The following PPM1D variants were observed in gnomAD, a reference collection of about 807,000 sequenced individuals.
The protein encoded by PPM1D is protein phosphatase 1D.
Under a neutral mutation model 58.3 loss-of-function variants are expected in PPM1D, and 52 were observed. The ratio of observed to expected loss-of-function variants is 0.89; its 90% CI spans 0.71 to 1.12. The LOEUF (loss-of-function observed/expected upper bound fraction) is 1.12, where lower values mean the gene tolerates loss of function less well. Among genes scored for constraint, PPM1D ranks in the 50% most tolerant of loss-of-function variants. The pLI is 0.00. For missense variants in PPM1D, 564 were observed against 777.2 expected (o/e 0.73, Z 3.26); for synonymous variants, 278 against 285.1 (o/e 0.98, Z 0.25).
chr17:60,652,592 GTTCTTCGTA>G (rs2031366985), intron 4 of PPM1D, among the ~76,000 whole-genome samples: 1 of 90,528 alleles, frequency 1.1e-5, no homozygotes, highest in South Asian at 3.8e-4. Context: ...CCTTCATACT[GTTCTTCGTA>G]GTGGCTGCTC....
intron 4 of PPM1D, among the ~76,000 whole-genome samples, chr17:60,649,376 G>C (rs1314479420): frequency 6.6e-6 from 1 of 152,194 alleles, no homozygotes; most frequent in African/African-American, 2.4e-5. Flanking sequence ...GGGGCAAATT[G>C]ATTGAATTTT....
chr17:60,642,534 C>A (rs2031156352), intron 3 of PPM1D, among the ~76,000 whole-genome samples: 2 of 151,992 alleles, frequency 1.3e-5, no homozygotes, highest in Non-Finnish European at 2.9e-5. Flanking sequence ...TCTCGGCTCA[C>A]TGCAACCTCT....
chr17:60,631,992 C>G (rs888657448), intron 2 of PPM1D, among the ~76,000 whole-genome samples: 1 of 151,974 alleles, frequency 6.6e-6, no homozygotes, highest in African/African-American at 2.4e-5. Context: ...TCCTGGCTAA[C>G]CTGGTGAAAC....
Position 60,600,589 on chromosome 17 carries a change from C to T in PPM1D, c.175C>T (p.Pro59Ser). 1.9e-6 allele frequency: 3 copies of T among 1,556,482 alleles called. No individual in the cohort carries two copies. Among genetic ancestry groups the T allele is most frequent in the Non-Finnish European group, 2.6e-6 (3 of 1,151,410 alleles). Residue 59 changes from proline (P) to serine (S), a missense_variant, in exon 1 of 6, where the codon CCC (proline) becomes TCC (serine). Around this residue, in one of 7 missense-constraint regions of PPM1D, gnomAD observed 132 missense variants for 150.4 expected, o/e 0.88. Transcript: ENST00000305921. Reference protein sequence around the residue: ...LPPRPSPAALPGGEVSGKGPA... With the variant: ...LPPRPSPAALSGGEVSGKGPA... ...TCCGCGGCCGTCGCCGGCCGCCCTT[C>T]CCGGCGGCGAAGTCTCGGGGAAAGG... is the stretch of plus-strand genomic sequence containing the variant.
chr17:60,643,962 G>T (rs1477558177), intron 3 of PPM1D, among the ~76,000 whole-genome samples: 4 of 128,414 alleles, frequency 3.1e-5, no homozygotes, highest in African/African-American at 1.2e-4. Flanking sequence ...CTGGCTCACT[G>T]CTATGTCCGC....
chr17:60,637,881 C>G (rs2031056252), intron 3 of PPM1D, among the ~76,000 whole-genome samples: 1 of 152,166 alleles, frequency 6.6e-6, no homozygotes. Context: ...TTAGCGTACC[C>G]TGGAAGCTAA....
At chr17:60,612,643 G>A (rs1214006364) in intron 1 of PPM1D, among the ~76,000 whole-genome samples, 1 of 152,120 alleles carries the variant, frequency 6.6e-6, no homozygotes, top group Non-Finnish European at 1.5e-5. Context: ...GAAAGGTAAA[G>A]CTGAAGATAT....
rs753888264 is a variant in PPM1D, at chr17:60,641,565, T to G, written c.827-6327T>G. Reference sequence around the variant, plus strand: ...TCTGTTTACTCTGTTGATAGCTTCTTTTGCTGTGCAGAAGCTCTTTAATTA... The same window carrying G: ...TCTGTTTACTCTGTTGATAGCTTCTGTTGCTGTGCAGAAGCTCTTTAATTA... On this transcript the variant is annotated intron_variant, in intron 3 of 5. Transcript: ENST00000305921. 7.8e-4 allele frequency among the ~76,000 whole-genome samples: 119 copies of G among 152,222 alleles called. 1 individual carries two copies. Among genetic ancestry groups the G allele is most frequent in the Non-Finnish European group, 1.6e-4 (11 of 68,034 alleles).
intron 1 of PPM1D, among the ~76,000 whole-genome samples, chr17:60,605,015 T>G (rs1163261092): frequency 2.0e-5 from 3 of 152,102 alleles, no homozygotes; most frequent in Admixed American, 1.3e-4. Context: ...AGAGATGGGG[T>G]TTCGCCATGT....
intron 2 of PPM1D, among the ~76,000 whole-genome samples, chr17:60,629,901 G>T (rs1188059086): frequency 1.3e-5 from 2 of 152,060 alleles, no homozygotes; most frequent in Non-Finnish European, 2.9e-5. Context: ...TTATCCAGGC[G>T]TAGTGGCATG....
intron 4 of PPM1D, among the ~76,000 whole-genome samples, chr17:60,652,554 T>G (rs1225483519): frequency 7.2e-6 from 1 of 138,594 alleles, no homozygotes; most frequent in East Asian, 2.0e-4. Context: ...ACTTCTGTTT[T>G]TTTTTTTTTT....
chr17:60,629,147 T>A (rs1173287861), intron 2 of PPM1D, among the ~76,000 whole-genome samples: 2 of 152,298 alleles, frequency 1.3e-5, no homozygotes, highest in South Asian at 4.1e-4. Flanking sequence ...CAGCATTGCT[T>A]ATTGTAGAAT....
At chr17:60,645,492 G>A (rs200735463) in intron 3 of PPM1D, among the ~76,000 whole-genome samples, 7 of 132,100 alleles carry the variant, frequency 5.3e-5, no homozygotes, top group African/African-American at 1.6e-4. Flanking sequence ...GTGTGTGTGT[G>A]TATGTGTATA....
intron 1 of PPM1D, among the ~76,000 whole-genome samples, chr17:60,605,873 C>T (rs1400067849): frequency 6.6e-6 from 1 of 152,170 alleles, no homozygotes; most frequent in Non-Finnish European, 1.5e-5. Flanking sequence ...CCATTGCACT[C>T]CAGCCTGGGA....
rs531862065 is a variant in PPM1D, at chr17:60,657,204, C to T, written c.1260+363C>T. On this transcript the variant is annotated intron_variant, in intron 5 of 5. Coordinates refer to ENST00000305921, the MANE Select transcript of PPM1D (RefSeq NM_003620.4). ...TTATTTCATTTTATCAGTAATAAGC[C>T]TGAGAGATTAAACTGTCTAAACAAG... 9 of 688,266 alleles carry T rather than the reference C, an allele frequency of 1.3e-5. No homozygotes were observed. The Admixed American group carries it at 5.1e-4, about 39-fold the overall frequency. 42.6% of individuals were successfully genotyped at this position (688,266 alleles called of 1,614,324 possible).
At chr17:60,657,058 TAAG>T (rs974367026) in intron 5 of PPM1D, 2 of 1,447,410 alleles carry the variant, frequency 1.4e-6, no homozygotes, top group African/African-American at 2.9e-5. Context: ...TGTGGGCCCT[TAAG>T]AATATTATTG....
rs559945349 is a variant in PPM1D at position 60,642,456 on chromosome 17, T to G, written c.827-5436T>G. Among the ~76,000 whole-genome samples, 5 of 147,210 alleles carry G rather than the reference T, an allele frequency of 3.4e-5. No individual in the cohort carries two copies. The Admixed American group carries it at 3.4e-4, about 10-fold the overall frequency. The stretch of plus-strand genomic sequence containing the variant: ...CCGCCCACAGCAGATTCAGAGAGAC[T>G]CCAAAGAAAATCTTTTTTTTTGAGA... On this transcript the variant is annotated intron_variant, in intron 3 of 5. Transcript: ENST00000305921.
chr17:60,644,031 C>T (rs983185660), intron 3 of PPM1D, among the ~76,000 whole-genome samples: 31 of 151,150 alleles, frequency 2.1e-4, no homozygotes, highest in African/African-American at 3.2e-4. Flanking sequence ...ATTACAGGCG[C>T]GTGCCACCCA....
chr17:60,662,715 C>T (rs1006268059), intron 5 of PPM1D, among the ~76,000 whole-genome samples: 2 of 152,088 alleles, frequency 1.3e-5, no homozygotes, highest in East Asian at 1.9e-4. Context: ...CTTGTGACCA[C>T]GTGAATTTTC....
Sources: allele counts gnomAD v4.1 joint callset (sites outside exome capture counted in the v4.1 genomes callset), GRCh38; gene constraint gnomAD v4.1.1; regional missense constraint gnomAD v4.1.1; transcripts MANE v1.5; gene names NCBI Gene and HGNC (gene_info 2026-07-23, HGNC 2026-07-21).